Variants in CDK13 observed in about 807,000 individuals in gnomAD.
CDK13 encodes cyclin dependent kinase 13, also known as cyclin-dependent kinase 13.
CDK13 carries 40 observed loss-of-function variants against 137.6 expected under a neutral mutation model. The ratio of observed to expected loss-of-function variants is 0.29; its 90% confidence interval spans 0.23 to 0.38. CDK13 has a LOEUF of 0.38. Ranked by LOEUF, CDK13 falls within the 10% of genes least tolerant of loss-of-function variation. CDK13 has a pLI of 1.00. For missense variants in CDK13, 1,704 were observed against 1,951.8 expected (o/e 0.87, Z 2.39); for synonymous variants, 869 against 760.1 (o/e 1.14, Z -2.36).
chr7:40,030,263 A>G (rs10259698), intron 5 of CDK13, among the ~76,000 whole-genome samples: 76,734 of 147,544 alleles, frequency 0.52, 21,204 homozygotes, highest in African/African-American at 0.72. Context: ...GTGTGTGTGT[A>G]TATATATATA....
chr7:39,965,568 T>C (rs1783852597), intron 1 of CDK13, among the ~76,000 whole-genome samples: 1 of 152,216 alleles, frequency 6.6e-6, no homozygotes, highest in African/African-American at 2.4e-5. Context: ...TGACTCTTTA[T>C]CCAATTTGCC....
At chr7:40,012,986 A>C (rs537335726) in intron 5 of CDK13, among the ~76,000 whole-genome samples, 1 of 152,216 alleles carries the variant, frequency 6.6e-6, no homozygotes, top group East Asian at 1.9e-4. Flanking sequence ...CATTATTCAC[A>C]GTAGCCGCAA....
At chr7:39,987,440 T>C (rs1784362781) in intron 1 of CDK13, among the ~76,000 whole-genome samples, 159 bp from the exon 2 acceptor site, 1 of 152,222 alleles carries the variant, frequency 6.6e-6, no homozygotes, top group African/African-American at 2.4e-5. Flanking sequence ...AATAATACTC[T>C]ACTTTAAAGA....
At chr7:40,023,115 C>T (rs1785162016) in intron 5 of CDK13, among the ~76,000 whole-genome samples, 1 of 144,578 alleles carries the variant, frequency 6.9e-6, no homozygotes, top group Admixed American at 7.0e-5. Context: ...TTTTTTGAGA[C>T]AGAGTCTTAC....
intron 1 of CDK13, among the ~76,000 whole-genome samples, chr7:39,979,149 G>A (rs1314006075): frequency 2.6e-5 from 4 of 152,010 alleles, no homozygotes; most frequent in Non-Finnish European, 2.9e-5. Flanking sequence ...TGTAGAAATG[G>A]AGCAGACACA....
chr7:40,037,350 C>T (rs1785506644), intron 5 of CDK13, among the ~76,000 whole-genome samples: 1 of 152,132 alleles, frequency 6.6e-6, no homozygotes, highest in South Asian at 2.1e-4. Context: ...TTAGAGAATC[C>T]ACTTCCAAGA....
intron 7 of CDK13, chr7:40,060,685 G>T (rs1786122127): frequency 6.6e-6 from 1 of 152,170 alleles, no homozygotes; most frequent in Non-Finnish European, 1.5e-5. Flanking sequence ...TATTAATAGA[G>T]ATTAGACTTT....
Position 39,988,073 on chromosome 7 carries a change from C to A in CDK13, c.1686C>A (p.Val562=), listed in dbSNP as rs1430233932. ...LIVDKATKKA[V]IVGKESKSAA... is the part of the protein sequence containing the mutation. Reference sequence around the variant, plus strand: ...TAGATAAAGCCACCAAGAAAGCAGTCATAGTTGGAAAGGAGAGTAAATCTG... The same window carrying A: ...TAGATAAAGCCACCAAGAAAGCAGTAATAGTTGGAAAGGAGAGTAAATCTG... Residue 562 remains valine, a synonymous_variant, in exon 2 of 14, where the codon GTC becomes GTA. Transcript: ENST00000181839. The A allele has an allele frequency of 6.2e-7, 1 of 1,614,038 alleles. No homozygotes were observed. Among genetic ancestry groups the A allele is most frequent in the South Asian group, 1.1e-5 (1 of 91,028 alleles).
intron 1 of CDK13, among the ~76,000 whole-genome samples, chr7:39,961,584 G>A (rs1021319252): frequency 4.0e-5 from 6 of 151,266 alleles, no homozygotes; most frequent in Non-Finnish European, 5.9e-5. Context: ...CCACATATAA[G>A]TGAGATCATG....
At chr7:40,069,442 T>C (rs1300388188) in intron 9 of CDK13, 4 of 359,118 alleles carry the variant, frequency 1.1e-5, no homozygotes, top group Non-Finnish European at 2.3e-5. Flanking sequence ...CCTGCGCTTA[T>C]GGTTTAGGGT....
Position 39,962,809 on chromosome 7 carries a change from A to G in CDK13, c.1211+10957A>G, listed in dbSNP as rs142341224. Among the ~76,000 whole-genome samples, 82 of 152,292 alleles carry G rather than the reference A, an allele frequency of 5.4e-4. 1 individual carries two copies. The East Asian group carries it at 0.011, about 20-fold the overall frequency. On this transcript the variant is annotated intron_variant, in intron 1 of 13. Coordinates refer to ENST00000181839, the MANE Select transcript of CDK13 (RefSeq NM_003718.5). ...TTGAATTAATTTTTGTATAAGGTGTAAGGAAGGAATCCAGTTTCAGCTTTC... is the reference window on the plus strand; with the variant it reads ...TTGAATTAATTTTTGTATAAGGTGTGAGGAAGGAATCCAGTTTCAGCTTTC...
At chr7:40,043,804 G>GA (rs1326980761) in intron 5 of CDK13, among the ~76,000 whole-genome samples, 1 of 151,264 alleles carries the variant, frequency 6.6e-6, no homozygotes, top group East Asian at 1.9e-4. Context: ...CTCCAGTCTG[G>GA]GTGACAGAGT....
chr7:40,013,465 T>TG (rs1220814994), intron 5 of CDK13, among the ~76,000 whole-genome samples: 1 of 152,236 alleles, frequency 6.6e-6, no homozygotes. Flanking sequence ...TGCTACTATT[T>TG]GGGTAAACCA....
At chr7:40,014,452 C>CTTT (rs70996871) in intron 5 of CDK13, among the ~76,000 whole-genome samples, 23 of 118,702 alleles carry the variant, frequency 1.9e-4, no homozygotes, top group African/African-American at 5.5e-4. Flanking sequence ...ATTTCTCTCT[C>CTTT]TTTTTTTTTT....
intron 5 of CDK13, among the ~76,000 whole-genome samples, chr7:40,015,470 A>G (rs1056626579): frequency 1.3e-5 from 2 of 152,192 alleles, no homozygotes; most frequent in South Asian, 2.1e-4. Context: ...TTCATCTGCA[A>G]AATGGGGTAA....
In CDK13 at chr7:39,961,202, T is replaced by TTTTG. The variant is rs1031938907; in HGVS notation, c.1211+9350_1211+9351insTTTG. On this transcript the variant is annotated intron_variant, in intron 1 of 13. Coordinates refer to ENST00000181839, the MANE Select transcript of CDK13 (RefSeq NM_003718.5). ...GGCGAAACCCCGTCTCTACTAAAAA[T>TTTTG]ACAAAACATAGCCAAGCATGGTGGC... 2.6e-4 allele frequency among the ~76,000 whole-genome samples: 40 copies of TTTTG among 152,072 alleles called. No individual in the cohort carries two copies. In the East Asian group the frequency reaches 7.4e-3, roughly 28 times the overall value.
chr7:39,958,712 C>T (rs1435463588), intron 1 of CDK13, among the ~76,000 whole-genome samples: 1 of 151,156 alleles, frequency 6.6e-6, no homozygotes, highest in African/African-American at 2.4e-5. Context: ...TTAATTTTTG[C>T]TATGTGTGTA....
At chr7:39,992,386 TG>T (rs1784482137) in intron 2 of CDK13, among the ~76,000 whole-genome samples, 2 of 151,986 alleles carry the variant, frequency 1.3e-5, no homozygotes, top group African/African-American at 2.4e-5. Flanking sequence ...TTAGTTGAGA[TG>T]GGGTTTCACC....
At chr7:39,995,342 A>T (rs1784538547) in intron 2 of CDK13, among the ~76,000 whole-genome samples, 3 of 152,116 alleles carry the variant, frequency 2.0e-5, no homozygotes, top group African/African-American at 7.2e-5. Context: ...TCAAATAAGA[A>T]CTCTTGACTA....
Sources: gnomAD v4.1 joint callset for allele counts (sites outside exome capture counted in the v4.1 genomes callset) on GRCh38, gnomAD v4.1.1 for gene constraint, MANE v1.5 for transcripts, NCBI Gene and HGNC (gene_info 2026-07-23, HGNC 2026-07-21) for gene names.